PIP5K1B: variants seen among roughly 807,000 people sequenced by gnomAD.
The protein encoded by PIP5K1B is phosphatidylinositol-4-phosphate 5-kinase type 1 beta.
Under a neutral mutation model 67.0 loss-of-function variants are expected in PIP5K1B, and 42 were observed. That is an observed-to-expected ratio of 0.63 (90% CI 0.49 to 0.81). The LOEUF (loss-of-function observed/expected upper bound fraction) is 0.81, where lower values mean the gene tolerates loss of function less well. PIP5K1B is among the 30% of genes least tolerant of loss of function. PIP5K1B has a pLI of 0.00. For synonymous variants in PIP5K1B, 214 were observed against 231.4 expected (o/e 0.92, Z 0.68); for missense variants, 459 against 646.3 (o/e 0.71, Z 3.14).
At chr9:68,793,543 G>A (rs532762007) in intron 2 of PIP5K1B, among the ~76,000 whole-genome samples, 1 of 152,282 alleles carries the variant, frequency 6.6e-6, no homozygotes, top group Non-Finnish European at 1.5e-5. Context: ...GTGGGCATAA[G>A]AGAGAAGTTA....
intron 2 of PIP5K1B, among the ~76,000 whole-genome samples, chr9:68,778,350 T>C (rs1831028580): frequency 6.6e-6 from 1 of 152,202 alleles, no homozygotes; most frequent in Non-Finnish European, 1.5e-5. Flanking sequence ...TGTTGGTTCT[T>C]TCCACCTTGT....
At chr9:68,738,025 G>A (rs1035047271) in intron 1 of PIP5K1B, among the ~76,000 whole-genome samples, 13 of 152,306 alleles carry the variant, frequency 8.5e-5, no homozygotes, top group Middle Eastern at 3.4e-3. Context: ...CTATTCATAT[G>A]CCATAACATA....
chr9:68,814,056 G>A (rs1833304421), intron 2 of PIP5K1B, among the ~76,000 whole-genome samples: 1 of 152,182 alleles, frequency 6.6e-6, no homozygotes, highest in Non-Finnish European at 1.5e-5. Context: ...GGGCCACCTT[G>A]ATGGGGAGCT....
chr9:68,816,213 C>A (rs1356884607), intron 2 of PIP5K1B, among the ~76,000 whole-genome samples: 7 of 152,184 alleles, frequency 4.6e-5, no homozygotes, highest in Admixed American at 4.6e-4. Context: ...ACTACATCCT[C>A]TGCCTCCCAG....
At chr9:68,764,806 T>G (rs1003904197) in intron 2 of PIP5K1B, among the ~76,000 whole-genome samples, 7 of 152,198 alleles carry the variant, frequency 4.6e-5, no homozygotes, top group Middle Eastern at 6.8e-3. Context: ...TAAACATCAA[T>G]GTAGCAAAGA....
intron 2 of PIP5K1B, among the ~76,000 whole-genome samples, chr9:68,806,529 C>G (rs1216744368): frequency 6.6e-6 from 1 of 152,196 alleles, no homozygotes; most frequent in African/African-American, 2.4e-5. Context: ...TATTCAGAAG[C>G]CTTCAGCAGA....
In PIP5K1B at chr9:68,738,105, C is replaced by T. The variant is rs148399654; in HGVS notation, c.-242-4396C>T. Among the ~76,000 whole-genome samples, 64 of 152,162 alleles carry T rather than the reference C, an allele frequency of 4.2e-4. 1 individual carries two copies. The East Asian group carries it at 0.012, about 29-fold the overall frequency. ...GCAGGTATTTAGGGTTTTCTTGGCC[C>T]CAAACTGAAGCAGGATCCTTAGAAC... On this transcript the variant is annotated intron_variant, in intron 1 of 15. Coordinates refer to ENST00000265382, the MANE Select transcript of PIP5K1B (RefSeq NM_003558.4).
chr9:68,776,844 T>G (rs1429573344), intron 2 of PIP5K1B, among the ~76,000 whole-genome samples: 1 of 152,242 alleles, frequency 6.6e-6, no homozygotes, highest in Non-Finnish European at 1.5e-5. Context: ...ATTATTCATT[T>G]GCAGCTGGCT....
chr9:68,724,982 T>C (rs1459373730), intron 1 of PIP5K1B, among the ~76,000 whole-genome samples: 1 of 152,176 alleles, frequency 6.6e-6, no homozygotes, highest in Non-Finnish European at 1.5e-5. Context: ...TGTTTTTGGC[T>C]GAATGTTCTA....
At chr9:68,753,515 CTTTTTTTTTTTTTT>C (rs71500334) in intron 2 of PIP5K1B, among the ~76,000 whole-genome samples, 1 of 38,278 alleles carries the variant, frequency 2.6e-5, no homozygotes, top group African/African-American at 1.2e-4. Flanking sequence ...AATTTTGTTT[CTTTTTTTTTTTTTT>C]TTTTTTTTTT....
In PIP5K1B at chr9:68,822,506, A is replaced by G. The variant is rs1587505534; in HGVS notation, c.1-109A>G. 9.3e-6 allele frequency: 7 copies of G among 754,274 alleles called. No individual in the cohort carries two copies. In the South Asian group the frequency reaches 9.8e-5, roughly 11 times the overall value. The allele number at this position is 754,274 out of a possible 1,614,324, so 46.7% of individuals were successfully genotyped here. Reference sequence around the variant, plus strand: ...TTCCTTAGGAACAACAGCAATAGCAATAACAAAAACATACTTAACTAAAAT... The same window carrying G: ...TTCCTTAGGAACAACAGCAATAGCAGTAACAAAAACATACTTAACTAAAAT... On this transcript the variant is annotated intron_variant, in intron 3 of 15. Coordinates refer to ENST00000265382, the MANE Select transcript of PIP5K1B (RefSeq NM_003558.4).
At chr9:68,733,220 C>T (rs193288404) in intron 1 of PIP5K1B, among the ~76,000 whole-genome samples, 16 of 152,256 alleles carry the variant, frequency 1.1e-4, no homozygotes, top group Admixed American at 3.3e-4. Context: ...TGCTGCTTGC[C>T]GTCTGTACAC....
chr9:68,865,752 T>C (rs1823324747), intron 5 of PIP5K1B, among the ~76,000 whole-genome samples: 1 of 152,202 alleles, frequency 6.6e-6, no homozygotes, highest in Non-Finnish European at 1.5e-5. Context: ...ATGCAGATTC[T>C]TGGGCTCCAC....
At chr9:68,728,168 T>C (rs1005071546) in intron 1 of PIP5K1B, among the ~76,000 whole-genome samples, 1 of 152,198 alleles carries the variant, frequency 6.6e-6, no homozygotes, top group East Asian at 1.9e-4. Context: ...CCATTCTGGC[T>C]GCTATTACAA....
At chr9:68,719,902 T>C (rs1827805753) in intron 1 of PIP5K1B, among the ~76,000 whole-genome samples, 1 of 152,314 alleles carries the variant, frequency 6.6e-6, no homozygotes, top group African/African-American at 2.4e-5. Flanking sequence ...CTGGAAGCAT[T>C]TTAGAACTGA....
intron 14 of PIP5K1B, among the ~76,000 whole-genome samples, chr9:68,967,904 T>G (rs1197919462): frequency 2.6e-5 from 4 of 151,390 alleles, no homozygotes; most frequent in African/African-American, 9.7e-5. Context: ...GGTGCTCTGA[T>G]GTGCATTCCC....
chr9:68,866,283 G>A (rs1360869271), intron 5 of PIP5K1B, among the ~76,000 whole-genome samples: 2 of 150,448 alleles, frequency 1.3e-5, no homozygotes, highest in Admixed American at 1.3e-4. Flanking sequence ...GCGACAGGGT[G>A]GTACTCTGTC....
intron 8 of PIP5K1B, among the ~76,000 whole-genome samples, chr9:68,906,315 G>A (rs148703251): frequency 8.5e-4 from 129 of 152,232 alleles, no homozygotes; most frequent in African/African-American, 2.5e-3. Flanking sequence ...CGCTGTACTC[G>A]GCCAAATTTA....
chr9:68,826,911 C>G (rs1281075757), intron 4 of PIP5K1B, among the ~76,000 whole-genome samples: 3 of 137,732 alleles, frequency 2.2e-5, no homozygotes, highest in Non-Finnish European at 3.1e-5. Flanking sequence ...GCCGCCACGC[C>G]TGGCTAATTT....
Sources: allele counts gnomAD v4.1 joint callset (sites outside exome capture counted in the v4.1 genomes callset), GRCh38; gene constraint gnomAD v4.1.1; transcripts MANE v1.5; gene names NCBI Gene and HGNC (gene_info 2026-07-23, HGNC 2026-07-21).